ADCK5: variants seen among roughly 807,000 people sequenced by gnomAD.
ADCK5 encodes aarF domain containing kinase 5, also known as uncharacterized aarF domain-containing protein kinase 5.
ADCK5 carries 43 observed loss-of-function variants against 64.9 expected under a neutral mutation model. The observed-to-expected ratio is 0.66, with a 90% CI of 0.52 to 0.85. ADCK5 has a LOEUF of 0.85. Ranked by LOEUF, ADCK5 falls within the 40% of genes least tolerant of loss-of-function variation. The probability of loss-of-function intolerance (pLI) is 0.00; values close to 1 mark genes in which losing one functional copy is unlikely to be tolerated. For synonymous variants in ADCK5, 434 were observed against 342.8 expected (o/e 1.27, Z -2.94); for missense variants, 760 against 810.5 (o/e 0.94, Z 0.76).
rs1554860624 is a variant in ADCK5, at chr8:144,391,577, C to G, written c.799-3C>G. The G allele has an allele frequency of 1.3e-6, 2 of 1,580,982 alleles. No individual in the cohort carries two copies. Among genetic ancestry groups the G allele is most frequent in the Admixed American group, 3.6e-5 (2 of 56,128 alleles). Reference sequence around the variant, plus strand: ...TGGTCTTCAACCGCCATCTGGCCCCCAGGACCTGAAGGGGACCCTGGCCCA... The same window carrying G: ...TGGTCTTCAACCGCCATCTGGCCCCGAGGACCTGAAGGGGACCCTGGCCCA... On this transcript the variant is annotated splice_region_variant and splice_polypyrimidine_tract_variant and intron_variant, in intron 7 of 14. Transcript: ENST00000308860.
In ADCK5 at chr8:144,393,129, G is replaced by A. The variant is rs1820414301; in HGVS notation, c.*55G>A. 4.1e-6 allele frequency: 6 copies of A among 1,464,928 alleles called. No homozygotes were observed. Among genetic ancestry groups the A allele is most frequent in the Non-Finnish European group, 5.4e-6 (6 of 1,104,444 alleles). The allele number at this position is 1,464,928 out of a possible 1,614,324, so 90.7% of individuals were successfully genotyped here. Reference sequence around the variant, plus strand: ...TTTTCACCTTGGGCTGACGGAGGTGGCGGGGCTAGAGGTGTAGACACCCCG... The same window carrying A: ...TTTTCACCTTGGGCTGACGGAGGTGACGGGGCTAGAGGTGTAGACACCCCG... On this transcript the variant is annotated 3_prime_UTR_variant, in exon 15 of 15. Coordinates refer to ENST00000308860, the MANE Select transcript of ADCK5 (RefSeq NM_174922.5).
At chr8:144,380,325 G>T (rs1474092486) in intron 2 of ADCK5, among the ~76,000 whole-genome samples, 5 of 150,592 alleles carry the variant, frequency 3.3e-5, no homozygotes, top group Admixed American at 1.3e-4. Flanking sequence ...GGCACCTCCC[G>T]CAGTCAGAAT....
chr8:144,385,340 C>A (rs117445790), intron 3 of ADCK5, among the ~76,000 whole-genome samples: 4,126 of 151,670 alleles, frequency 0.027, 110 homozygotes, highest in Admixed American at 0.08. Context: ...TGTGGCACCA[C>A]GCCCGGCTAG....
chr8:144,390,694 T>G lies in ADCK5; in HGVS notation c.290T>G (p.Ile97Ser). 1 of 1,613,792 alleles carries G rather than the reference T, an allele frequency of 6.2e-7. No homozygotes were observed. The highest frequency in any genetic ancestry group is 8.5e-7 in the Non-Finnish European group (1 of 1,179,994). The part of the protein sequence containing the change: ...FGRSLKVGLQ[I>S]SLDYWWCTNV... ...AGGTCTCTGAAGGTCGGCCTGCAGA[T>G]CTCCCTGGACTACTGGTGGTGCACC... The change falls in exon 4 of 15, where the codon ATC becomes AGC. Residue 97 changes from isoleucine (I) to serine (S), a missense_variant. Coordinates refer to ENST00000308860, the MANE Select transcript of ADCK5 (RefSeq NM_174922.5).
chr8:144,390,787 G>C lies in ADCK5; in HGVS notation c.342+41G>C, dbSNP rs782698075. 1.5e-5 allele frequency: 24 copies of C among 1,609,702 alleles called. 1 individual carries two copies. The highest frequency in any genetic ancestry group is 2.0e-5 in the Non-Finnish European group (24 of 1,177,350). On this transcript the variant is annotated intron_variant, in intron 4 of 14. Transcript: ENST00000308860. The stretch of plus-strand genomic sequence containing the variant: ...CTGGGCACACAGTGGTGGGCATGAG[G>C]TGGTGGGCTGGGTGGGACTGAGGAG...
rs782690182 is a variant in ADCK5, at chr8:144,391,746, G to T, written c.930+35G>T. The T allele has an allele frequency of 2.6e-6, 4 of 1,538,340 alleles. No individual in the cohort carries two copies. In the East Asian group the frequency reaches 7.3e-5, roughly 28 times the overall value. ...GCCAGGCCCTTGGGGTGGGCACAGC[G>T]CTGGGCCTGCTGAGCCCAGCCTCTT... On this transcript the variant is annotated intron_variant, in intron 8 of 14. Transcript: ENST00000308860.
chr8:144,389,138 C>T (rs1291355578), intron 3 of ADCK5: 1 of 384,910 alleles, frequency 2.6e-6, no homozygotes, highest in African/African-American at 2.1e-5. Context: ...TAACTGGGGC[C>T]AGGCCTGGGG....
Position 144,391,148 on chromosome 8 carries a change from C to G in ADCK5, c.558C>G (p.Phe186Leu), listed in dbSNP as rs1820202862. The G allele has an allele frequency of 6.2e-7, 1 of 1,610,958 alleles. No homozygotes were observed. The highest frequency in any genetic ancestry group is 1.3e-5 in the African/African-American group (1 of 74,858). ...TGTCCTTCCAGGTGGATGAGTTGTT[C>G]CTTGAGGACTTCCAGGCCCTCCCCC... ...KRGFQEVDELFLEDFQALPHE... is the reference protein window; with the variant it reads ...KRGFQEVDELLLEDFQALPHE... The change falls in exon 6 of 15, where the codon TTC becomes TTG. Residue 186 changes from phenylalanine (F) to leucine (L), a missense_variant. Transcript: ENST00000308860.
rs1819754354 is a variant in ADCK5 at position 144,383,147 on chromosome 8, C to T, written c.183C>T (p.Leu61=). 4 of 1,592,740 alleles carry T rather than the reference C, an allele frequency of 2.5e-6. No individual in the cohort carries two copies. Among genetic ancestry groups the T allele is most frequent in the Non-Finnish European group, 3.4e-6 (4 of 1,170,112 alleles). ...LSTAVVGAPL[L]LGARYVMAEA... ...CCGCGGTAGTGGGGGCGCCCCTGCT[C>T]CTCGGAGCCCGCTATGTCATGGCAG... is the stretch of plus-strand genomic sequence containing the variant. The change falls in exon 3 of 15, where the codon CTC becomes CTT. Residue 61 remains leucine (L), a synonymous_variant. Coordinates refer to ENST00000308860, the MANE Select transcript of ADCK5 (RefSeq NM_174922.5).
At chr8:144,392,948 C>T (rs1820392245) in intron 14 of ADCK5, 21 bp from the exon 15 acceptor site, 1 of 1,586,418 alleles carries the variant, frequency 6.3e-7, no homozygotes, top group Non-Finnish European at 8.6e-7. Context: ...CCACCTGTGA[C>T]CTGTGACCTG....
At chr8:144,378,252 G>A (rs531452765) in intron 1 of ADCK5, among the ~76,000 whole-genome samples, 1 of 152,294 alleles carries the variant, frequency 6.6e-6, no homozygotes, top group Non-Finnish European at 1.5e-5. Flanking sequence ...TTTGCTGACT[G>A]ACTTGGTGAT....
At chr8:144,386,514 C>G (rs782671378) in intron 3 of ADCK5, among the ~76,000 whole-genome samples, 1 of 151,762 alleles carries the variant, frequency 6.6e-6, no homozygotes, top group Non-Finnish European at 1.5e-5. Flanking sequence ...CCCACCATCA[C>G]GCCCGGCTAA....
upstream of ADCK5, chr8:144,373,233 G>A (rs1435680242): frequency 6.5e-6 from 1 of 153,354 alleles, no homozygotes; most frequent in Non-Finnish European, 1.5e-5. Flanking sequence ...GGCGCCCGAG[G>A]ATCCCTGGCA....
chr8:144,379,478 G>T lies in ADCK5; in HGVS notation c.104G>T (p.Gly35Val). The change falls in exon 2 of 15, where the codon GGC (glycine) becomes GTC (valine). Residue 35 changes from glycine to valine, a missense_variant. Transcript: ENST00000308860. The part of the protein sequence containing the change: ...PAVFFRRNVR[G>V]LPPRFSSPTP... ...GTGTTCTTCAGGAGAAACGTCAGGG[G>T]CCTTCCTCCAAGGTAACGAGTCCTC... 9 of 1,603,162 alleles carry T rather than the reference G, an allele frequency of 5.6e-6. No homozygotes were observed. The highest frequency in any genetic ancestry group is 7.7e-6 in the Non-Finnish European group (9 of 1,173,502).
chr8:144,392,047 G>A (rs1554860900), intron 10 of ADCK5, 25 bp downstream of exon 10: 5 of 1,612,528 alleles, frequency 3.1e-6, no homozygotes, highest in African/African-American at 1.3e-5. Context: ...CAGGGGTGGG[G>A]GTCTCAGGGT....
intron 1 of ADCK5, chr8:144,375,461 T>C: frequency 1.0e-6 from 1 of 985,506 alleles, no homozygotes; most frequent in Non-Finnish European, 1.2e-6. Flanking sequence ...GTTCATGGTT[T>C]TTAGTTTCTG....
At chr8:144,388,877 G>A (rs1554859811) in intron 3 of ADCK5, among the ~76,000 whole-genome samples, 1 of 152,206 alleles carries the variant, frequency 6.6e-6, no homozygotes, top group African/African-American at 2.4e-5. Context: ...GGGTTGATGG[G>A]GGACACAGAG....
chr8:144,383,326 G>T (rs1306858016), intron 3 of ADCK5, 96 bp downstream of exon 3: 45 of 1,427,062 alleles, frequency 3.2e-5, no homozygotes, highest in Non-Finnish European at 3.9e-5. Context: ...CAGACGAGGG[G>T]CGTGAGCCTG....
At chr8:144,375,111 G>A (rs1298273323) in intron 1 of ADCK5, among the ~76,000 whole-genome samples, 1 of 152,274 alleles carries the variant, frequency 6.6e-6, no homozygotes, top group African/African-American at 2.4e-5. Context: ...GGCCGGGGAG[G>A]TGGCCTTCAG....
Sources: allele counts gnomAD v4.1 joint callset (sites outside exome capture counted in the v4.1 genomes callset), GRCh38; gene constraint gnomAD v4.1.1; transcripts MANE v1.5; gene names NCBI Gene and HGNC (gene_info 2026-07-23, HGNC 2026-07-21).